Variants in MTMR8 observed in about 807,000 individuals in gnomAD.
MTMR8 encodes phosphatidylinositol-3,5-bisphosphate 3-phosphatase MTMR8.
Under a neutral mutation model 39.3 loss-of-function variants are expected in MTMR8, and 65 were observed. The observed-to-expected ratio is 1.65, with a 90% CI of 1.35 to 2.03. The LOEUF is 2.03. Ranked by LOEUF, MTMR8 falls within the 30% of genes most tolerant of loss-of-function variation. The probability of loss-of-function intolerance (pLI) is 0.00; values close to 1 mark genes in which losing one functional copy is unlikely to be tolerated. For missense variants in MTMR8, 777 were observed against 538.9 expected (o/e 1.44, Z -4.37); for synonymous variants, 245 against 185.2 (o/e 1.32, Z -2.62).
At chrX:64,294,041 A>T (rs191783754) in intron 12 of MTMR8, among the ~76,000 whole-genome samples, 288 of 111,929 alleles carry the variant, frequency 2.6e-3, no homozygotes, top group African/African-American at 8.4e-3. Flanking sequence ...AAGACCCTGA[A>T]GGATTATAGG....
chrX:64,294,151 G>A (rs1921489869), intron 12 of MTMR8, among the ~76,000 whole-genome samples: 1 of 111,845 alleles, frequency 8.9e-6, no homozygotes. Context: ...ATAAATGGAA[G>A]CTAACTATAG....
At chrX:64,297,676 T>C (rs1191397497) in intron 12 of MTMR8, among the ~76,000 whole-genome samples, 1 of 100,903 alleles carries the variant, frequency 9.9e-6, no homozygotes, top group Non-Finnish European at 2.0e-5. Flanking sequence ...TCCTGAATGG[T>C]AATGCCTAGG....
In MTMR8 at chrX:64,345,120, C is replaced by A. The variant is rs1923315755; in HGVS notation, c.790G>T (p.Ala264Ser). Residue 264 changes from alanine to serine, a missense_variant, in exon 7 of 14, where the codon GCC (alanine) becomes TCC (serine). Coordinates refer to ENST00000374852, the MANE Select transcript of MTMR8 (RefSeq NM_017677.4). ...CCCATGAATCTGAAGCGAATGTTGG[C>A]ATAGTTGTCTTCATTTTCATACCCC... ...GKGYENEDNY[A>S]NIRFRFMGIE... 1 of 1,209,433 alleles carries A rather than the reference C, an allele frequency of 8.3e-7. No individual in the cohort carries two copies. The highest frequency in any genetic ancestry group is 1.7e-5 in the African/African-American group (1 of 57,237).
At chrX:64,343,214 G>T (rs1411029445) in intron 8 of MTMR8, among the ~76,000 whole-genome samples, 1 of 111,914 alleles carries the variant, frequency 8.9e-6, no homozygotes, top group African/African-American at 3.2e-5. Context: ...CTGAGCTAGA[G>T]ATCAATTATT....
intron 1 of MTMR8, among the ~76,000 whole-genome samples, chrX:64,388,451 G>T (rs1378333984): frequency 8.9e-6 from 1 of 112,223 alleles, no homozygotes; most frequent in Non-Finnish European, 1.9e-5. Flanking sequence ...ATACTTTTGT[G>T]TCAAGATGTA....
intron 1 of MTMR8, among the ~76,000 whole-genome samples, chrX:64,382,150 G>A (rs1924443871): frequency 9.0e-6 from 1 of 111,649 alleles, no homozygotes; most frequent in African/African-American, 3.3e-5. Context: ...AAAGTCATTG[G>A]TAGATTGATG....
chrX:64,339,583 A>T (rs1923163890), intron 8 of MTMR8, among the ~76,000 whole-genome samples: 1 of 111,824 alleles, frequency 8.9e-6, no homozygotes, highest in Admixed American at 9.5e-5. Flanking sequence ...AATAACTAGA[A>T]GATTGAAAAA....
chrX:64,296,826 C>T (rs1210655336), intron 12 of MTMR8, among the ~76,000 whole-genome samples: 7 of 95,963 alleles, frequency 7.3e-5, no homozygotes, highest in South Asian at 5.5e-4. Flanking sequence ...TGAGAATATG[C>T]GGTGTTTGGT....
At position 64,350,061 on chromosome X, in the gene MTMR8, T is replaced by A; in HGVS notation, c.478A>T (p.Thr160Ser). ...DANRNYEICSTYPPEIVVPKS... is the reference protein window; with the variant it reads ...DANRNYEICSSYPPEIVVPKS... ...GGAACCACTATTTCAGGAGGGTAGG[T>A]GCTGCATATCTAAAAGAAAATAAGC... The change falls in exon 5 of 14, where the codon ACC becomes TCC. Residue 160 changes from threonine (T) to serine (S), a missense_variant. Coordinates refer to ENST00000374852, the MANE Select transcript of MTMR8 (RefSeq NM_017677.4). 1 of 1,134,863 alleles carries A rather than the reference T, an allele frequency of 8.8e-7. No homozygotes were observed. The allele number at this position is 1,134,863 out of a possible 1,213,427, so 93.5% of individuals were successfully genotyped here.
chrX:64,372,934 A>G (rs1300980872), intron 1 of MTMR8, among the ~76,000 whole-genome samples: 4 of 111,788 alleles, frequency 3.6e-5, no homozygotes, highest in Non-Finnish European at 5.6e-5. Flanking sequence ...TGTCAGACAA[A>G]TAACTCTGAC....
Position 64,343,675 on chromosome X carries a change from A to G in MTMR8, c.911T>C (p.Leu304Pro). The G allele has an allele frequency of 8.3e-7, 1 of 1,208,619 alleles. No individual in the cohort carries two copies. Reference sequence around the variant, plus strand: ...GTGTCTTAACCACCCTGAGCTCTCCAGGCCGCTAAGAAATTCACTCATTGT... The same window carrying G: ...GTGTCTTAACCACCCTGAGCTCTCCGGGCCGCTAAGAAATTCACTCATTGT... ...TPTMSEFLSG[L>P]ESSGWLRHIK... is the part of the protein sequence containing the mutation. The change falls in exon 8 of 14, where the codon CTG becomes CCG. Residue 304 changes from leucine to proline, a missense_variant. Coordinates refer to ENST00000374852, the MANE Select transcript of MTMR8 (RefSeq NM_017677.4).
At position 64,375,247 on chromosome X, in the gene MTMR8, G is replaced by C. The variant is rs148411288; in HGVS notation, c.25-15720C>G. On this transcript the variant is annotated intron_variant, in intron 1 of 13. Transcript: ENST00000374852. ...GGTGCCTGTAGTCCCCGCTACTCAG[G>C]AGACTGAGGAGGTGGGAGGATTGCC... Among the ~76,000 whole-genome samples, 1,007 of 109,233 alleles carry C rather than the reference G, an allele frequency of 9.2e-3. 14 individuals are homozygous for C. Among genetic ancestry groups the C allele is most frequent in the Admixed American group, 0.043 (439 of 10,144 alleles). The allele number at this position is 109,233 out of a possible 115,157, so 94.9% of individuals were successfully genotyped here. A position where few individuals can be genotyped will look rare whatever the true frequency, so the allele number is the denominator to read the frequency against.
chrX:64,281,309 C>T (rs944871033), intron 12 of MTMR8, among the ~76,000 whole-genome samples: 2 of 111,557 alleles, frequency 1.8e-5, no homozygotes, highest in Non-Finnish European at 3.8e-5. Context: ...TACTACAAGG[C>T]TATATAGTAA....
At chrX:64,382,908 A>G (rs771754042) in intron 1 of MTMR8, among the ~76,000 whole-genome samples, 9 of 111,656 alleles carry the variant, frequency 8.1e-5, no homozygotes, top group South Asian at 3.8e-4. Flanking sequence ...TGATCTCAAG[A>G]GTGAAAAAGT....
chrX:64,378,526 C>T (rs755916350), intron 1 of MTMR8, among the ~76,000 whole-genome samples: 2 of 112,413 alleles, frequency 1.8e-5, no homozygotes, highest in Admixed American at 9.4e-5. Context: ...CAGCCTGACA[C>T]TTGAATGTAA....
chrX:64,287,621 T>C, intron 12 of MTMR8, among the ~76,000 whole-genome samples: 1 of 110,093 alleles, frequency 9.1e-6, no homozygotes, highest in East Asian at 2.9e-4. Flanking sequence ...AACAGAGATA[T>C]AGACCAATGG....
At chrX:64,276,871 T>C (rs1047545657) in intron 12 of MTMR8, among the ~76,000 whole-genome samples, 3 of 111,665 alleles carry the variant, frequency 2.7e-5, no homozygotes, top group African/African-American at 9.8e-5. Context: ...CCTACTATTA[T>C]TCTGTGGGAG....
intron 1 of MTMR8, among the ~76,000 whole-genome samples, chrX:64,366,091 C>G (rs772242820): frequency 8.9e-6 from 1 of 111,838 alleles, no homozygotes; most frequent in Non-Finnish European, 1.9e-5. Context: ...TACGGGAACA[C>G]CCAGATTCAT....
At chrX:64,309,237 A>G (rs1050052526) in intron 12 of MTMR8, among the ~76,000 whole-genome samples, 2 of 111,968 alleles carry the variant, frequency 1.8e-5, no homozygotes, top group Non-Finnish European at 3.8e-5. Context: ...TCTATCCATG[A>G]GCATAGAATA....
Sources: allele counts gnomAD v4.1 joint callset (sites outside exome capture counted in the v4.1 genomes callset), GRCh38; gene constraint gnomAD v4.1.1; transcripts MANE v1.5; gene names NCBI Gene and HGNC (gene_info 2026-07-23, HGNC 2026-07-21).